The following SLC7A13 variants were observed in gnomAD, a reference collection of about 807,000 sequenced individuals.
SLC7A13 encodes X-amino acid transporter 2.
SLC7A13 carries 31 observed loss-of-function variants against 32.0 expected under a neutral mutation model. The observed-to-expected ratio is 0.97, with a 90% CI of 0.73 to 1.31. The LOEUF is 1.31. Ranked by LOEUF, SLC7A13 falls within the 50% of genes most tolerant of loss-of-function variation. SLC7A13 has a pLI of 0.00. For synonymous variants in SLC7A13, 232 were observed against 206.9 expected (o/e 1.12, Z -1.04); for missense variants, 633 against 546.9 (o/e 1.16, Z -1.57).
At chr8:86,225,535 T>C (rs968542782) in intron 1 of SLC7A13, among the ~76,000 whole-genome samples, 2 of 152,186 alleles carry the variant, frequency 1.3e-5, no homozygotes, top group Admixed American at 1.3e-4. Context: ...GTACTTGATA[T>C]GTAAAGAGGA....
chr8:86,229,209 C>T (rs1434547524), intron 1 of SLC7A13, among the ~76,000 whole-genome samples: 3 of 151,980 alleles, frequency 2.0e-5, no homozygotes, highest in East Asian at 1.9e-4. Context: ...AGCCTCAATG[C>T]GTCATACCTA....
intron 1 of SLC7A13, among the ~76,000 whole-genome samples, chr8:86,225,004 A>T (rs561986754): frequency 3.4e-4 from 51 of 152,104 alleles, no homozygotes; most frequent in Non-Finnish European, 6.3e-4. Context: ...GCAGATTAAA[A>T]ACGTGAGTCA....
chr8:86,221,510 A>G (rs1271306449), intron 2 of SLC7A13, among the ~76,000 whole-genome samples: 2 of 152,028 alleles, frequency 1.3e-5, no homozygotes, highest in East Asian at 1.9e-4. Flanking sequence ...ACATGTGCAC[A>G]TTGTGCAGGT....
At chr8:86,224,537 G>A (rs956034881) in intron 1 of SLC7A13, among the ~76,000 whole-genome samples, 2 of 152,138 alleles carry the variant, frequency 1.3e-5, no homozygotes, top group Admixed American at 6.5e-5. Context: ...CAAAAAAGTT[G>A]ATATTTAGCA....
At chr8:86,219,918 A>G (rs915284292) in intron 2 of SLC7A13, among the ~76,000 whole-genome samples, 1 of 152,124 alleles carries the variant, frequency 6.6e-6, no homozygotes, top group South Asian at 2.1e-4. Flanking sequence ...GTGAGTCCAA[A>G]AGTATATACA....
intron 1 of SLC7A13, among the ~76,000 whole-genome samples, chr8:86,229,336 C>A (rs948723955): frequency 3.3e-5 from 5 of 152,074 alleles, no homozygotes; most frequent in Admixed American, 3.3e-4. Context: ...CAGATTAACA[C>A]AGAAGTCCCA....
intron 2 of SLC7A13, among the ~76,000 whole-genome samples, chr8:86,218,654 CTTTT>C (rs200038065): frequency 7.1e-6 from 1 of 140,344 alleles, no homozygotes. Flanking sequence ...GAATATTCTA[CTTTT>C]TTTTTTTTTT....
intron 2 of SLC7A13, among the ~76,000 whole-genome samples, chr8:86,219,791 T>C (rs960476146): frequency 2.6e-5 from 4 of 152,194 alleles, no homozygotes; most frequent in African/African-American, 9.6e-5. Context: ...CTGTTTTATT[T>C]GTAGCTTATT....
At chr8:86,227,884 A>T (rs1483226781) in intron 1 of SLC7A13, among the ~76,000 whole-genome samples, 1 of 152,204 alleles carries the variant, frequency 6.6e-6, no homozygotes, top group Non-Finnish European at 1.5e-5. Flanking sequence ...GGAGCTAAAC[A>T]GTAAGTACAC....
chr8:86,220,666 T>C (rs1820278458), intron 2 of SLC7A13, among the ~76,000 whole-genome samples: 1 of 152,098 alleles, frequency 6.6e-6, no homozygotes, highest in Non-Finnish European at 1.5e-5. Context: ...ATATACTTGT[T>C]TGATTGAAAA....
Position 86,214,513 on chromosome 8 carries a change from G to T in SLC7A13, c.1313C>A (p.Pro438His), listed in dbSNP as rs756579211. The change falls in exon 4 of 4, where the codon CCT becomes CAT. Residue 438 changes from proline to histidine, a missense_variant. Coordinates refer to ENST00000297524, the MANE Select transcript of SLC7A13 (RefSeq NM_138817.3). The stretch of plus-strand genomic sequence containing the variant: ...CAATCTTATTTTAAAATGTATTAAA[G>T]GTATGTAAAATAGTAATCCGCTGAG... ...LVLSGLLFYI[P>H]LIHFKIRLAW... 1.9e-6 allele frequency: 3 copies of T among 1,612,168 alleles called. No individual in the cohort carries two copies. The highest frequency in any genetic ancestry group is 2.2e-5 in the East Asian group (1 of 44,752).
At chr8:86,215,319 T>C (rs1002492577) in intron 3 of SLC7A13, among the ~76,000 whole-genome samples, 5 of 152,142 alleles carry the variant, frequency 3.3e-5, no homozygotes, top group Non-Finnish European at 7.4e-5. Context: ...CAAAGATATA[T>C]ATTACACAGC....
chr8:86,219,653 G>A (rs1365934095), intron 2 of SLC7A13, among the ~76,000 whole-genome samples: 1 of 152,098 alleles, frequency 6.6e-6, no homozygotes, highest in East Asian at 1.9e-4. Flanking sequence ...GTATTTGTAT[G>A]CTCACTTAGG....
Position 86,230,243 on chromosome 8 carries a change from A to C in SLC7A13, c.35T>G (p.Val12Gly). The C allele has an allele frequency of 6.2e-7, 1 of 1,609,292 alleles. No homozygotes were observed. Among genetic ancestry groups the C allele is most frequent in the Non-Finnish European group, 8.5e-7 (1 of 1,177,780 alleles). Residue 12 changes from valine (V) to glycine (G), a missense_variant, in exon 1 of 4, where the codon GTG becomes GGG. Physicochemically the swap from Val to Gly is moderately radical, Grantham distance 109 (BLOSUM62 -3). Transcript: ENST00000297524. ...DRGEKIQLKR[V>G]FGYWWGTSFL... ...ACTTGTGCCCCACCAATATCCAAAC[A>C]CTCTCTTGAGCTGTATTTTCTCCCC...
chr8:86,217,683 C>A lies in SLC7A13; in HGVS notation c.966G>T (p.Gln322His). The change falls in exon 3 of 4, where the codon CAG (glutamine) becomes CAT (histidine). Residue 322 changes from glutamine (Q) to histidine (H), a missense_variant. Coordinates refer to ENST00000297524, the MANE Select transcript of SLC7A13 (RefSeq NM_138817.3). ...TAAGTGTATTAAATAGCAAAGGCAG[C>A]TGGCCCTCTTGGCTTGCAAGATATA... Reference protein sequence around the residue: ...RPIYLASQEGQLPLLFNTLNS... With the variant: ...RPIYLASQEGHLPLLFNTLNS... The A allele has an allele frequency of 3.1e-6, 5 of 1,613,442 alleles. No individual in the cohort carries two copies. In the South Asian group the frequency reaches 3.3e-5, roughly 11 times the overall value.
At chr8:86,214,700 C>A (rs2129775130) in intron 3 of SLC7A13, 54 bp from the exon 4 acceptor site, 2 of 1,203,884 alleles carry the variant, frequency 1.7e-6, no homozygotes, top group Non-Finnish European at 1.2e-6. Context: ...ATGAATGATA[C>A]CTGCATATTC....
intron 2 of SLC7A13, among the ~76,000 whole-genome samples, chr8:86,219,574 T>C (rs1820252881): frequency 6.6e-6 from 1 of 152,168 alleles, no homozygotes; most frequent in Non-Finnish European, 1.5e-5. Context: ...TTAACAGCTG[T>C]TTGGATCCTC....
chr8:86,225,220 C>T (rs914439580), intron 1 of SLC7A13, among the ~76,000 whole-genome samples: 2 of 152,094 alleles, frequency 1.3e-5, no homozygotes, highest in African/African-American at 2.4e-5. Context: ...TCTGTGTCTG[C>T]CCAGGGGTTG....
chr8:86,226,928 T>C (rs1820396529), intron 1 of SLC7A13, among the ~76,000 whole-genome samples: 1 of 152,236 alleles, frequency 6.6e-6, no homozygotes, highest in African/African-American at 2.4e-5. Flanking sequence ...GGTAATTATA[T>C]TGTTCCGTTA....
Sources: gnomAD v4.1 joint callset for allele counts (sites outside exome capture counted in the v4.1 genomes callset) on GRCh38, gnomAD v4.1.1 for gene constraint, MANE v1.5 for transcripts, NCBI Gene and HGNC (gene_info 2026-07-23, HGNC 2026-07-21) for gene names.